The following KCNAB1 variants were observed in gnomAD, a reference collection of about 807,000 sequenced individuals.
KCNAB1 encodes potassium voltage-gated channel subfamily A regulatory beta subunit 1, also known as voltage-gated potassium channel subunit beta-1.
KCNAB1 carries 35 observed loss-of-function variants against 64.6 expected under a neutral mutation model. The observed-to-expected ratio is 0.54, with a 90% confidence interval of 0.41 to 0.72. KCNAB1 has a LOEUF of 0.72. KCNAB1 is among the 30% of genes least tolerant of loss of function. The pLI is 0.00. For synonymous variants in KCNAB1, 177 were observed against 183.8 expected (o/e 0.96, Z 0.30); for missense variants, 401 against 512.9 (o/e 0.78, Z 2.11).
chr3:156,190,885 G>T (rs1713523607), intron 1 of KCNAB1, among the ~76,000 whole-genome samples: 1 of 152,108 alleles, frequency 6.6e-6, no homozygotes, highest in Non-Finnish European at 1.5e-5. Context: ...TAGAGACAGG[G>T]TTTAGCCACG....
At chr3:156,438,150 CT>C (rs1716718092) in intron 2 of KCNAB1, among the ~76,000 whole-genome samples, 1 of 152,342 alleles carries the variant, frequency 6.6e-6, no homozygotes, top group East Asian at 1.9e-4. Context: ...GCTCCAAATT[CT>C]GGCTTCCTGT....
intron 1 of KCNAB1, among the ~76,000 whole-genome samples, chr3:156,122,658 T>C (rs1713418047): frequency 6.6e-6 from 1 of 152,192 alleles, no homozygotes; most frequent in South Asian, 2.1e-4. Context: ...AATAGCATGG[T>C]GTTTCCCTTG....
intron 1 of KCNAB1, among the ~76,000 whole-genome samples, chr3:156,323,883 T>C (rs1471622830): frequency 6.6e-6 from 1 of 152,234 alleles, no homozygotes; most frequent in Non-Finnish European, 1.5e-5. Flanking sequence ...ATTATGGAAA[T>C]GGCTTTTATT....
chr3:156,514,050 A>G (rs1717395106), intron 8 of KCNAB1, among the ~76,000 whole-genome samples: 1 of 152,198 alleles, frequency 6.6e-6, no homozygotes, highest in South Asian at 2.1e-4. Flanking sequence ...TAAATCATGT[A>G]TTCTTTATTA....
intron 2 of KCNAB1, among the ~76,000 whole-genome samples, chr3:156,428,311 A>G (rs1215350726): frequency 6.6e-6 from 1 of 152,144 alleles, no homozygotes; most frequent in Admixed American, 6.5e-5. Flanking sequence ...TGGGACATTG[A>G]TCTTTTCTTG....
chr3:156,313,597 A>G (rs762337010), intron 1 of KCNAB1, among the ~76,000 whole-genome samples: 6 of 152,208 alleles, frequency 3.9e-5, no homozygotes, highest in Non-Finnish European at 7.3e-5. Flanking sequence ...GAGTGCAACT[A>G]TGGAAGCTGG....
chr3:156,374,831 T>C (rs1169048740), intron 1 of KCNAB1, among the ~76,000 whole-genome samples: 1 of 135,798 alleles, frequency 7.4e-6, no homozygotes, highest in Non-Finnish European at 1.5e-5. Flanking sequence ...TAATAAGTTG[T>C]TGTAAAGGTT....
At chr3:156,155,848 T>C (rs1222984998) in intron 1 of KCNAB1, among the ~76,000 whole-genome samples, 1 of 152,114 alleles carries the variant, frequency 6.6e-6, no homozygotes, top group Non-Finnish European at 1.5e-5. Context: ...AAGATACAGA[T>C]TAAAATTAGC....
At chr3:156,252,335 C>T (rs1717878769) in intron 1 of KCNAB1, among the ~76,000 whole-genome samples, 1 of 152,030 alleles carries the variant, frequency 6.6e-6, no homozygotes, top group Non-Finnish European at 1.5e-5. Context: ...ATTTTTCCCC[C>T]TGTTTGCTGG....
intron 1 of KCNAB1, among the ~76,000 whole-genome samples, chr3:156,350,687 A>C (rs1724800166): frequency 6.6e-6 from 1 of 152,256 alleles, no homozygotes; most frequent in Admixed American, 6.5e-5. Context: ...AAGATGAGCA[A>C]GAAATAAAAA....
Position 156,229,246 on chromosome 3 carries a change from G to T in KCNAB1, c.275+108360G>T, listed in dbSNP as rs531660437. Among the ~76,000 whole-genome samples, 10 of 152,304 alleles carry T rather than the reference G, an allele frequency of 6.6e-5. No homozygotes were observed. In the East Asian group the frequency reaches 1.4e-3, roughly 21 times the overall value. On this transcript the variant is annotated intron_variant, in intron 1 of 13. Transcript: ENST00000490337. Reference sequence around the variant, plus strand: ...TTCTGCAGGCTGTACAGGAAGCATGGCTGGGGAGGCCTTGGGAAACTTATA... The same window carrying T: ...TTCTGCAGGCTGTACAGGAAGCATGTCTGGGGAGGCCTTGGGAAACTTATA...
intron 11 of KCNAB1, among the ~76,000 whole-genome samples, chr3:156,519,977 G>A (rs13092847): frequency 0.24 from 36,403 of 152,042 alleles, 4,600 homozygotes; most frequent in African/African-American, 0.31. Flanking sequence ...TCCATTAGAA[G>A]GCAGTAAAGA....
chr3:156,310,758 T>C (rs1019697342), intron 1 of KCNAB1, among the ~76,000 whole-genome samples: 4 of 152,124 alleles, frequency 2.6e-5, no homozygotes, highest in East Asian at 1.9e-4. Context: ...GAGCTGAGAT[T>C]GCGCCACTGC....
intron 1 of KCNAB1, among the ~76,000 whole-genome samples, chr3:156,153,638 A>G (rs1214346481): frequency 6.6e-6 from 1 of 152,210 alleles, no homozygotes; most frequent in East Asian, 1.9e-4. Flanking sequence ...AGTTGAACAA[A>G]AACGCTGACC....
chr3:156,311,958 C>T (rs1721939108), intron 1 of KCNAB1, among the ~76,000 whole-genome samples: 1 of 152,208 alleles, frequency 6.6e-6, no homozygotes, highest in Non-Finnish European at 1.5e-5. Context: ...CTGCATGTCC[C>T]TACCTGGGCA....
At chr3:156,148,706 T>C (rs1715202806) in intron 1 of KCNAB1, among the ~76,000 whole-genome samples, 1 of 152,220 alleles carries the variant, frequency 6.6e-6, no homozygotes, top group South Asian at 2.1e-4. Flanking sequence ...CCAATCCTAG[T>C]AATCTATCAC....
At chr3:156,502,572 A>G (rs1716525093) in intron 8 of KCNAB1, among the ~76,000 whole-genome samples, 1 of 148,336 alleles carries the variant, frequency 6.7e-6, no homozygotes, top group Non-Finnish European at 1.5e-5. Flanking sequence ...ACACACACAC[A>G]CAAATTCAAG....
At chr3:156,140,287 GT>G (rs1714631788) in intron 1 of KCNAB1, among the ~76,000 whole-genome samples, 1 of 152,148 alleles carries the variant, frequency 6.6e-6, no homozygotes. Context: ...GTAAGATAAT[GT>G]TTTCTGACTA....
At chr3:156,477,445 C>A (rs1714452636) in intron 8 of KCNAB1, among the ~76,000 whole-genome samples, 1 of 152,086 alleles carries the variant, frequency 6.6e-6, no homozygotes, top group Non-Finnish European at 1.5e-5. Context: ...CAATCAACCA[C>A]CTCATGCTGG....
Sources: gnomAD v4.1 joint callset for allele counts (sites outside exome capture counted in the v4.1 genomes callset) on GRCh38, gnomAD v4.1.1 for gene constraint, MANE v1.5 for transcripts, NCBI Gene and HGNC (gene_info 2026-07-23, HGNC 2026-07-21) for gene names.